The following CLEC4F variants were observed in gnomAD, a reference collection of about 807,000 sequenced individuals.
The protein encoded by CLEC4F is C-type (calcium dependent, carbohydrate-recognition domain) lectin, superfamily member 13.
CLEC4F carries 45 observed loss-of-function variants against 53.4 expected under a neutral mutation model. The ratio of observed to expected loss-of-function variants is 0.84; its 90% CI spans 0.66 to 1.08. The LOEUF (loss-of-function observed/expected upper bound fraction) is 1.08, where lower values mean the gene tolerates loss of function less well. Among genes scored for constraint, CLEC4F ranks in the 50% least tolerant of loss-of-function variants. The pLI, the probability that CLEC4F is intolerant of heterozygous loss-of-function variation, is 0.00. For synonymous variants in CLEC4F, 245 were observed against 257.5 expected, an observed-to-expected ratio of 0.95 and a Z score of 0.46; for missense variants, 753 against 698.2, an observed-to-expected ratio of 1.08 and a Z score of -0.88.
At chr2:70,812,809 G>C (rs1239080918) in intron 4 of CLEC4F, among the ~76,000 whole-genome samples, 1 of 152,120 alleles carries the variant, frequency 6.6e-6, no homozygotes, top group Non-Finnish European at 1.5e-5. Flanking sequence ...GCCTGGCTTG[G>C]GCACTCCTGG....
At chr2:70,811,707 T>C (rs138161332) in intron 5 of CLEC4F, among the ~76,000 whole-genome samples, 52 of 152,222 alleles carry the variant, frequency 3.4e-4, no homozygotes, top group African/African-American at 1.2e-3. Flanking sequence ...CTCGGACCCA[T>C]AGTTGTGTGC....
intron 4 of CLEC4F, among the ~76,000 whole-genome samples, chr2:70,814,098 G>C (rs1431527981): frequency 6.6e-6 from 1 of 152,218 alleles, no homozygotes; most frequent in African/African-American, 2.4e-5. Context: ...GCCGGGCACA[G>C]CCTGATCTAT....
chr2:70,822,446 C>CT (rs1677250459), upstream of CLEC4F, among the ~76,000 whole-genome samples: 2 of 91,274 alleles, frequency 2.2e-5, no homozygotes, highest in Non-Finnish European at 5.4e-5. Context: ...GATACTGCTT[C>CT]AGGGGTTCCT....
At position 70,813,610 on chromosome 2, in the gene CLEC4F, T is replaced by TCTTTCTTTCTTTCTTTCTTC. The variant is rs1553394962; in HGVS notation, c.1388-1013_1388-1012insGAAGAAAGAAAGAAAGAAAG. On this transcript the variant is annotated intron_variant, in intron 4 of 6. Transcript: ENST00000272367. ...CTCTCTTTCTTTCTCTTTCTTTCTTTCTTTCTTTCTTTCTTTCTTTCTTTC... is the reference window on the plus strand; with the variant it reads ...CTCTCTTTCTTTCTCTTTCTTTCTTTCTTTCTTTCTTTCTTTCTTCCTTTCTTTCTTTCTTTCTTTCTTTC... Among the ~76,000 whole-genome samples, 398 of 140,240 alleles carry TCTTTCTTTCTTTCTTTCTTC rather than the reference T, an allele frequency of 2.8e-3. 5 individuals are homozygous for TCTTTCTTTCTTTCTTTCTTC. The highest frequency in any genetic ancestry group is 0.011 in the African/African-American group (389 of 34,112). 92.0% of individuals were successfully genotyped at this position (140,240 alleles called of 152,430 possible). A position where few individuals can be genotyped will look rare whatever the true frequency, so the allele number is the denominator to read the frequency against.
At chr2:70,811,586 C>A (rs1676567562) in intron 5 of CLEC4F, 1 of 311,922 alleles carries the variant, frequency 3.2e-6, no homozygotes, top group Admixed American at 4.3e-5. Flanking sequence ...GTAGGCAGTT[C>A]TGCAAGTCAA....
chr2:70,809,597 ACACATACAC>A (rs781832657), intron 6 of CLEC4F, 133 bp downstream of exon 6: 112 of 796,666 alleles, frequency 1.4e-4, no homozygotes, highest in Non-Finnish European at 2.2e-4. Flanking sequence ...CACACACACC[ACACATACAC>A]CACATACACA....
chr2:70,820,385 G>T, intron 1 of CLEC4F, 78 bp downstream of exon 1: 3 of 1,323,172 alleles, frequency 2.3e-6, no homozygotes, highest in Non-Finnish European at 3.1e-6. Flanking sequence ...ACAGCAATAA[G>T]CTGCCTTATG....
At chr2:70,815,210 G>C (rs1676829147) in intron 4 of CLEC4F, among the ~76,000 whole-genome samples, 1 of 152,092 alleles carries the variant, frequency 6.6e-6, no homozygotes, top group African/African-American at 2.4e-5. Flanking sequence ...ATGATTTTGT[G>C]TCTCCATGCC....
chr2:70,819,303 C>T (rs1183670731), intron 3 of CLEC4F, 52 bp downstream of exon 3: 2 of 1,384,166 alleles, frequency 1.4e-6, no homozygotes, highest in Admixed American at 1.7e-5. Flanking sequence ...AGGGTCTGAG[C>T]ATCTGAAGGC....
rs782745688 is a variant in CLEC4F at position 70,819,835 on chromosome 2, C to A, written c.118G>T (p.Ala40Ser). ...GTCACAGCCATAAATGCCGGGGTAGCCTGAACGAGCCTCGGTATCTTGGGG... is the reference window on the plus strand; with the variant it reads ...GTCACAGCCATAAATGCCGGGGTAGACTGAACGAGCCTCGGTATCTTGGGG... ...AAPKIPRLVQATPAFMAVTLV... is the reference protein window; with the variant it reads ...AAPKIPRLVQSTPAFMAVTLV... The change falls in exon 2 of 7, where the codon GCT becomes TCT. Residue 40 changes from alanine (A) to serine (S), a missense_variant. Ala to Ser is a moderately conservative substitution (Grantham distance 99). Transcript: ENST00000272367. 3.7e-6 allele frequency: 6 copies of A among 1,609,416 alleles called. No homozygotes were observed. The Admixed American group carries it at 8.5e-5, about 23-fold the overall frequency.
chr2:70,815,685 TG>T (rs1553395577), intron 4 of CLEC4F, among the ~76,000 whole-genome samples: 1 of 152,202 alleles, frequency 6.6e-6, no homozygotes, highest in African/African-American at 2.4e-5. Context: ...TCATACCATT[TG>T]GGGTATCAGG....
chr2:70,812,362 C>T (rs1433903556), intron 5 of CLEC4F, 85 bp downstream of exon 5: 1 of 1,464,076 alleles, frequency 6.8e-7, no homozygotes, highest in Non-Finnish European at 9.4e-7. Context: ...TCCGTCATAC[C>T]CACTGAGAGC....
chr2:70,811,951 A>T (rs1676591267), intron 5 of CLEC4F, among the ~76,000 whole-genome samples: 1 of 152,174 alleles, frequency 6.6e-6, no homozygotes, highest in Non-Finnish European at 1.5e-5. Context: ...GGTGTCGTGC[A>T]TCTGTAGTCA....
intron 5 of CLEC4F, among the ~76,000 whole-genome samples, 178 bp from the exon 6 acceptor site, chr2:70,810,035 T>C (rs1283389460): frequency 6.6e-6 from 1 of 152,198 alleles, no homozygotes; most frequent in African/African-American, 2.4e-5. Flanking sequence ...GACAAAACTG[T>C]GTACTATAGA....
chr2:70,818,364 A>G (rs1232883180), intron 3 of CLEC4F, among the ~76,000 whole-genome samples: 1 of 152,208 alleles, frequency 6.6e-6, no homozygotes, highest in Non-Finnish European at 1.5e-5. Flanking sequence ...GGAACAATCA[A>G]TTTCACACCA....
At chr2:70,820,436 C>A in intron 1 of CLEC4F, 27 bp downstream of exon 1, 1 of 1,563,234 alleles carries the variant, frequency 6.4e-7, no homozygotes, top group Non-Finnish European at 8.7e-7. Flanking sequence ...CCTCACTGGG[C>A]AAGAGCTGGG....
chr2:70,816,674 G>A lies in CLEC4F; in HGVS notation c.707C>T (p.Ala236Val). 1 of 1,614,178 alleles carries A rather than the reference G, an allele frequency of 6.2e-7. No individual in the cohort carries two copies. The highest frequency in any genetic ancestry group is 1.6e-4 in the Middle Eastern group (1 of 6,062). The change falls in exon 4 of 7, where the codon GCA (alanine) becomes GTA (valine). Residue 236 changes from alanine to valine, a missense_variant. Coordinates refer to ENST00000272367, the MANE Select transcript of CLEC4F (RefSeq NM_173535.3). ...ATTGGCTAACTGAGCCTGGGTATTT[G>A]CCGTTTCCAAACTGGCATTCAACAT... is the stretch of plus-strand genomic sequence containing the variant. ...IQMLNASLET[A>V]NTQAQLANSS...
intron 5 of CLEC4F, chr2:70,810,828 C>A: frequency 1.9e-6 from 1 of 539,206 alleles, no homozygotes; most frequent in South Asian, 1.5e-5. Context: ...AAATTGAATT[C>A]TGTACTCCCT....
At position 70,819,404 on chromosome 2, in the gene CLEC4F, G is replaced by A. The variant is rs17006361; in HGVS notation, c.219C>T (p.Ala73=). The change falls in exon 3 of 7, where the codon GCC becomes GCT. Residue 73 remains alanine (A), a synonymous_variant. Transcript: ENST00000272367. The part of the protein sequence containing the change: ...QTRPVPKPVQ[A]VILGDNITGH... ...CAGTAATGTTGTCTCCCAGAATTAC[G>A]GCTTGCACAGGCTTCGGAACAGGTC... 7.6e-3 allele frequency: 12,264 copies of A among 1,614,006 alleles called. 809 individuals carry two copies. The African/African-American group carries it at 0.14, about 19-fold the overall frequency.
Sources: gnomAD v4.1 joint callset for allele counts (sites outside exome capture counted in the v4.1 genomes callset) on GRCh38, gnomAD v4.1.1 for gene constraint, MANE v1.5 for transcripts, NCBI Gene and HGNC (gene_info 2026-07-23, HGNC 2026-07-21) for gene names.